The following EYS variants were observed in gnomAD, a reference collection of about 807,000 sequenced individuals.
EYS encodes the protein EGF-like photoreceptor maintenance factor, also known as protein eyes shut homolog.
A neutral mutation model predicts 282.1 loss-of-function variants in EYS; 250 were observed. That is an observed-to-expected ratio of 0.89 (90% CI 0.80 to 0.98). EYS has a LOEUF of 0.98. Ranked by LOEUF, EYS falls within the 50% of genes least tolerant of loss-of-function variation. The pLI, the probability that EYS is intolerant of heterozygous loss-of-function variation, is 0.00. For missense variants in EYS, 4,016 were observed against 3,709.0 expected (o/e 1.08, Z -2.15); for synonymous variants, 1,355 against 1,282.9 (o/e 1.06, Z -1.20).
chr6:65,666,071 T>C (rs78356109), intron 1 of EYS, among the ~76,000 whole-genome samples: 1 of 132,014 alleles, frequency 7.6e-6, no homozygotes, highest in East Asian at 2.0e-4. Flanking sequence ...AATTCAAATC[T>C]TTTTTTTTTT....
chr6:64,880,204 G>T (rs915330926), intron 19 of EYS, among the ~76,000 whole-genome samples: 4 of 150,870 alleles, frequency 2.7e-5, no homozygotes, highest in African/African-American at 9.7e-5. Context: ...TTTAAAATCA[G>T]ATTAGTCTTT....
intron 28 of EYS, among the ~76,000 whole-genome samples, chr6:64,430,509 T>G (rs1191703758): frequency 6.6e-6 from 1 of 152,162 alleles, no homozygotes; most frequent in East Asian, 1.9e-4. Flanking sequence ...AATAAACCAC[T>G]AAAAACCAAG....
Position 64,160,168 on chromosome 6 carries a change from TA to T in EYS, c.6424+70423del, listed in dbSNP as rs370784854. ...TTATAATCTCTGGTAAAAGGCCATT[TA>T]AAAATAGATTTATGGCCTTATTTTC... is the stretch of plus-strand genomic sequence containing the variant. On this transcript the variant is annotated intron_variant, in intron 31 of 42. Coordinates refer to ENST00000503581, the MANE Select transcript of EYS (RefSeq NM_001142800.2). 8.5e-3 allele frequency among the ~76,000 whole-genome samples: 1,295 copies of T among 152,300 alleles called. 15 individuals carry two copies. Among genetic ancestry groups the T allele is most frequent in the African/African-American group, 0.03 (1,246 of 41,560 alleles).
chr6:64,708,273 T>A (rs1771098806), intron 22 of EYS, among the ~76,000 whole-genome samples: 1 of 152,224 alleles, frequency 6.6e-6, no homozygotes, highest in African/African-American at 2.4e-5. Flanking sequence ...CAGTACTGCG[T>A]ATGACAGGGA....
chr6:64,702,670 T>C (rs1331487761), intron 22 of EYS, among the ~76,000 whole-genome samples: 3 of 152,214 alleles, frequency 2.0e-5, no homozygotes, highest in East Asian at 1.9e-4. Flanking sequence ...TACTATCAAG[T>C]GCCATAAAAA....
intron 14 of EYS, among the ~76,000 whole-genome samples, chr6:64,969,143 A>C (rs1770204035): frequency 1.3e-5 from 2 of 152,192 alleles, no homozygotes; most frequent in Non-Finnish European, 2.9e-5. Context: ...TCTCCCTTAA[A>C]AGAGTTGGAG....
chr6:64,169,302 A>T lies in EYS; in HGVS notation c.6424+61290T>A, dbSNP rs568281169. ...GCATGCAGATACTGATAAGAAAAAA[A>T]CAGGAGGTAGCAGAAGGCCTGATGC... On this transcript the variant is annotated intron_variant, in intron 31 of 42. Transcript: ENST00000503581. Among the ~76,000 whole-genome samples, 3 of 152,322 alleles carry T rather than the reference A, an allele frequency of 2.0e-5. No individual in the cohort carries two copies. The East Asian group carries it at 5.8e-4, about 29-fold the overall frequency.
intron 13 of EYS, 146 bp from the exon 14 acceptor site, chr6:64,997,849 G>T: frequency 1.6e-6 from 1 of 631,110 alleles, no homozygotes; most frequent in East Asian, 3.2e-5. Context: ...CGATTACATA[G>T]TCATCTACAA....
chr6:65,382,214 T>TG (rs370767428), intron 8 of EYS, among the ~76,000 whole-genome samples: 3 of 24,728 alleles, frequency 1.2e-4, no homozygotes, highest in African/African-American at 2.0e-4. Context: ...TCCTTTGGTG[T>TG]TTTTTTTTTT....
chr6:65,399,437 T>C (rs1462080681), intron 7 of EYS, among the ~76,000 whole-genome samples: 1 of 152,008 alleles, frequency 6.6e-6, no homozygotes, highest in Non-Finnish European at 1.5e-5. Context: ...TTAGAAAATA[T>C]TCTATACATA....
intron 22 of EYS, among the ~76,000 whole-genome samples, chr6:64,754,445 C>A (rs917671060): frequency 2.0e-5 from 3 of 151,974 alleles, no homozygotes; most frequent in African/African-American, 7.2e-5. Flanking sequence ...TGAAACTGTT[C>A]CAAAAAGTTG....
intron 29 of EYS, among the ~76,000 whole-genome samples, chr6:64,338,352 C>A (rs766910042): frequency 6.6e-5 from 10 of 151,250 alleles, no homozygotes; most frequent in Non-Finnish European, 1.0e-4. Flanking sequence ...AGCAAAGAAT[C>A]AAATCAAGAA....
chr6:65,355,309 T>A (rs1025489033), intron 8 of EYS, among the ~76,000 whole-genome samples: 1 of 27,556 alleles, frequency 3.6e-5, no homozygotes, highest in South Asian at 8.6e-4. Flanking sequence ...AAATCACCAC[T>A]AAAGACTTAT....
chr6:65,371,917 C>T (rs188372368), intron 8 of EYS, among the ~76,000 whole-genome samples: 4 of 151,048 alleles, frequency 2.6e-5, no homozygotes, highest in African/African-American at 7.3e-5. Context: ...GCAAATTGTA[C>T]TCATATGGAA....
chr6:64,984,258 A>G (rs1371181513), intron 14 of EYS, among the ~76,000 whole-genome samples: 4 of 151,296 alleles, frequency 2.6e-5, no homozygotes, highest in Non-Finnish European at 5.9e-5. Flanking sequence ...AGATGACCCC[A>G]TTACAGACTG....
intron 12 of EYS, among the ~76,000 whole-genome samples, chr6:65,126,126 C>A (rs1277461117): frequency 6.6e-6 from 1 of 152,068 alleles, no homozygotes; most frequent in African/African-American, 2.4e-5. Context: ...TTGTTTTTTA[C>A]AGATTTGTGG....
chr6:63,765,971 G>A (rs1769779083), intron 40 of EYS, among the ~76,000 whole-genome samples: 2 of 150,372 alleles, frequency 1.3e-5, no homozygotes, highest in African/African-American at 4.8e-5. Flanking sequence ...TGACACAAAT[G>A]AGGAGGCACA....
At chr6:64,263,825 G>C (rs1444280120) in intron 30 of EYS, among the ~76,000 whole-genome samples, 4 of 152,052 alleles carry the variant, frequency 2.6e-5, no homozygotes, top group African/African-American at 9.7e-5. Flanking sequence ...TCTAAAAACT[G>C]TTCTGTTTTT....
At chr6:64,863,053 T>C (rs1220224045) in intron 19 of EYS, among the ~76,000 whole-genome samples, 1 of 152,180 alleles carries the variant, frequency 6.6e-6, no homozygotes, top group Non-Finnish European at 1.5e-5. Context: ...AATATTTTAA[T>C]CCTCTCAAAT....
Sources: gnomAD v4.1 joint callset for allele counts (sites outside exome capture counted in the v4.1 genomes callset) on GRCh38, gnomAD v4.1.1 for gene constraint, MANE v1.5 for transcripts, NCBI Gene and HGNC (gene_info 2026-07-23, HGNC 2026-07-21) for gene names.